The following CTNNA3 variants were observed in gnomAD, a reference collection of about 807,000 sequenced individuals.
CTNNA3 encodes catenin alpha-3.
Under a neutral mutation model 95.7 loss-of-function variants are expected in CTNNA3, and 76 were observed. That is an observed-to-expected ratio of 0.79 (90% CI 0.66 to 0.96). The LOEUF is 0.96. Among genes scored for constraint, CTNNA3 ranks in the 40% least tolerant of loss-of-function variants. The pLI is 0.00. For synonymous variants in CTNNA3, 431 were observed against 374.4 expected (o/e 1.15, Z -1.74); for missense variants, 1,191 against 1,089.8 (o/e 1.09, Z -1.31).
At chr10:65,929,661 C>A (rs749756820) in intron 17 of CTNNA3, among the ~76,000 whole-genome samples, 1 of 151,600 alleles carries the variant, frequency 6.6e-6, no homozygotes, top group African/African-American at 2.4e-5. Context: ...CTCCACCTTC[C>A]GGGTTCACGC....
At chr10:67,439,109 C>G (rs757579137) in intron 5 of CTNNA3, among the ~76,000 whole-genome samples, 2 of 152,088 alleles carry the variant, frequency 1.3e-5, no homozygotes, top group Non-Finnish European at 2.9e-5. Context: ...CCAGGCAGCC[C>G]TGCTCGCAGA....
intron 9 of CTNNA3, among the ~76,000 whole-genome samples, chr10:66,760,485 C>T (rs75784683): frequency 6.6e-6 from 1 of 152,052 alleles, no homozygotes; most frequent in East Asian, 1.9e-4. Context: ...AATTCCAATG[C>T]CTGCCTAGTT....
chr10:65,944,907 C>T (rs5016863), intron 17 of CTNNA3, among the ~76,000 whole-genome samples: 3 of 125,918 alleles, frequency 2.4e-5, no homozygotes, highest in African/African-American at 2.7e-5. Context: ...TATCATCTAT[C>T]TATCATCTAT....
chr10:67,114,744 GTA>G (rs1491513884), intron 7 of CTNNA3, among the ~76,000 whole-genome samples: 1 of 146,756 alleles, frequency 6.8e-6, no homozygotes, highest in African/African-American at 2.5e-5. Flanking sequence ...GTGTGTGTGT[GTA>G]GCATGTGGGG....
intron 5 of CTNNA3, among the ~76,000 whole-genome samples, chr10:67,479,880 G>A (rs201960653): frequency 1.3e-5 from 2 of 152,002 alleles, no homozygotes; most frequent in African/African-American, 4.8e-5. Flanking sequence ...ATCCAAATAA[G>A]TGCAATCCAA....
chr10:67,634,815 G>A (rs1202067389), intron 2 of CTNNA3, among the ~76,000 whole-genome samples: 1 of 152,154 alleles, frequency 6.6e-6, no homozygotes, highest in African/African-American at 2.4e-5. Context: ...GGAGCACCCA[G>A]ATGCACAAAG....
intron 11 of CTNNA3, among the ~76,000 whole-genome samples, chr10:66,380,617 C>CTATATA (rs1311081871): frequency 1.7e-4 from 20 of 114,804 alleles, no homozygotes; most frequent in African/African-American, 8.4e-4. Context: ...ATCTATCTAT[C>CTATATA]TATCTATCTA....
rs56013857 is a variant in CTNNA3 at position 66,711,258 on chromosome 10, C to CAAAAA, written c.1281+55001_1281+55005dup. ...TCAGCCTTTCACCGTGAACAAGAAA[C>CAAAAA]AAAAAAAAAAAAAAAAAAGTAAGAA... On this transcript the variant is annotated intron_variant, in intron 9 of 17. Coordinates refer to ENST00000433211, the MANE Select transcript of CTNNA3 (RefSeq NM_013266.4). 4.4e-3 allele frequency among the ~76,000 whole-genome samples: 517 copies of CAAAAA among 118,100 alleles called. 2 individuals carry two copies. The highest frequency in any genetic ancestry group is 5.4e-3 in the Non-Finnish European group (316 of 58,308). The allele number at this position is 118,100 out of a possible 152,430, so 77.5% of individuals were successfully genotyped here.
chr10:67,544,443 A>T (rs556308046), intron 3 of CTNNA3, among the ~76,000 whole-genome samples: 16 of 150,618 alleles, frequency 1.1e-4, no homozygotes, highest in South Asian at 2.2e-4. Flanking sequence ...ACCAAGGCAG[A>T]GCCTGGCAAA....
chr10:67,454,791 G>A (rs1422167810), intron 5 of CTNNA3, among the ~76,000 whole-genome samples: 4 of 151,388 alleles, frequency 2.6e-5, no homozygotes, highest in African/African-American at 9.8e-5. Flanking sequence ...ATAACTAACA[G>A]AGAACTATAC....
At chr10:66,100,245 G>T (rs1474369207) in intron 14 of CTNNA3, among the ~76,000 whole-genome samples, 2 of 152,080 alleles carry the variant, frequency 1.3e-5, no homozygotes, top group East Asian at 3.9e-4. Context: ...TTTCCAAATT[G>T]TCCATCTTAG....
chr10:66,729,141 GGACATGAACA>G (rs1241374286), intron 9 of CTNNA3, among the ~76,000 whole-genome samples: 2 of 152,202 alleles, frequency 1.3e-5, no homozygotes, highest in South Asian at 2.1e-4. Context: ...TATAAAAAGT[GGACATGAACA>G]GACATTTGTC....
At chr10:67,271,224 A>T (rs10997602) in intron 5 of CTNNA3, among the ~76,000 whole-genome samples, 6,646 of 152,198 alleles carry the variant, frequency 0.044, 472 homozygotes, top group African/African-American at 0.15. Context: ...CCCAAATCTC[A>T]TTTTGAATTG....
intron 1 of CTNNA3, among the ~76,000 whole-genome samples, chr10:67,724,950 A>G (rs747214560): frequency 1.1e-4 from 16 of 152,076 alleles, no homozygotes; most frequent in Non-Finnish European, 2.1e-4. Context: ...CTTAAACCTT[A>G]CTTCCTATTA....
chr10:66,565,018 T>C (rs967043174), intron 10 of CTNNA3, among the ~76,000 whole-genome samples: 1 of 152,192 alleles, frequency 6.6e-6, no homozygotes, highest in African/African-American at 2.4e-5. Context: ...AAAATACCAT[T>C]CTACCTTCCT....
intron 15 of CTNNA3, among the ~76,000 whole-genome samples, chr10:66,042,672 G>C (rs1364139200): frequency 1.3e-5 from 2 of 151,858 alleles, no homozygotes; most frequent in Non-Finnish European, 2.9e-5. Context: ...GGCCGAGGCG[G>C]GTGGATCACT....
At chr10:66,811,373 G>A (rs1841867601) in intron 7 of CTNNA3, among the ~76,000 whole-genome samples, 2 of 152,100 alleles carry the variant, frequency 1.3e-5, no homozygotes, top group South Asian at 4.1e-4. Context: ...GTGGAAGAGA[G>A]GAAAAGAAAT....
At chr10:67,452,776 T>C (rs1321686578) in intron 5 of CTNNA3, among the ~76,000 whole-genome samples, 1 of 152,222 alleles carries the variant, frequency 6.6e-6, no homozygotes, top group African/African-American at 2.4e-5. Flanking sequence ...AGTTTCCAAG[T>C]GAGGACTGAG....
intron 5 of CTNNA3, among the ~76,000 whole-genome samples, chr10:67,406,020 G>A (rs1283908795): frequency 6.6e-6 from 1 of 152,132 alleles, no homozygotes. Context: ...AGAACATGGG[G>A]GCAGTTTCCT....
Sources: allele counts gnomAD v4.1 joint callset (sites outside exome capture counted in the v4.1 genomes callset), GRCh38; gene constraint gnomAD v4.1.1; transcripts MANE v1.5; gene names NCBI Gene and HGNC (gene_info 2026-07-23, HGNC 2026-07-21).